SMYD3: variants seen among roughly 807,000 people sequenced by gnomAD.
The protein encoded by SMYD3 is SET and MYND domain containing 3, also known as histone-lysine N-methyltransferase SMYD3.
Under a neutral mutation model 57.7 loss-of-function variants are expected in SMYD3, and 36 were observed. That is an observed-to-expected ratio of 0.62 (90% CI 0.48 to 0.82). SMYD3 has a LOEUF of 0.82. Ranked by LOEUF, SMYD3 falls within the 40% of genes least tolerant of loss-of-function variation. The pLI, the probability that SMYD3 is intolerant of heterozygous loss-of-function variation, is 0.00. For missense variants in SMYD3, 515 were observed against 538.8 expected (o/e 0.96, Z 0.44); for synonymous variants, 211 against 195.0 (o/e 1.08, Z -0.68).
chr1:246,354,841 C>A (rs2065886514), intron 2 of SMYD3, among the ~76,000 whole-genome samples, 190 bp downstream of exon 2: 1 of 152,036 alleles, frequency 6.6e-6, no homozygotes, highest in Admixed American at 6.6e-5. Context: ...CAATTTTTAA[C>A]CATATATATT....
chr1:246,138,626 C>T (rs186835534), intron 5 of SMYD3, among the ~76,000 whole-genome samples: 4,884 of 145,612 alleles, frequency 0.034, 291 homozygotes, highest in African/African-American at 0.11. Flanking sequence ...GGGGTTTCAC[C>T]GTGTTAGCCA....
At chr1:246,255,704 A>G (rs2063871128) in intron 5 of SMYD3, among the ~76,000 whole-genome samples, 1 of 150,848 alleles carries the variant, frequency 6.6e-6, no homozygotes, top group African/African-American at 2.4e-5. Context: ...TAGTTTCAAA[A>G]TTGGTAGCAG....
intron 5 of SMYD3, among the ~76,000 whole-genome samples, chr1:246,216,211 C>A (rs536326596): frequency 6.7e-6 from 1 of 149,974 alleles, no homozygotes; most frequent in African/African-American, 2.5e-5. Context: ...CGCTTGAACC[C>A]GGGAGGCAGA....
In SMYD3 at chr1:245,889,074, T is replaced by C. The variant is rs75662746; in HGVS notation, c.814-25188A>G. On this transcript the variant is annotated intron_variant, in intron 8 of 11. Transcript: ENST00000490107. Reference sequence around the variant, plus strand: ...TATTGTGAAATTTAACCTCTTTCCATATCCCAACAGTGAGCTGTTAGTGGA... The same window carrying C: ...TATTGTGAAATTTAACCTCTTTCCACATCCCAACAGTGAGCTGTTAGTGGA... Among the ~76,000 whole-genome samples, 625 of 152,282 alleles carry C rather than the reference T, an allele frequency of 4.1e-3. 8 individuals carry two copies. The East Asian group carries it at 0.061, about 15-fold the overall frequency.
chr1:246,466,700 G>A (rs2067887010), intron 1 of SMYD3, among the ~76,000 whole-genome samples: 1 of 152,072 alleles, frequency 6.6e-6, no homozygotes, highest in Non-Finnish European at 1.5e-5. Flanking sequence ...AACTAAAAAT[G>A]AGCTGGGCAT....
intron 8 of SMYD3, among the ~76,000 whole-genome samples, chr1:245,893,158 A>C (rs1229478667): frequency 6.6e-6 from 1 of 152,266 alleles, no homozygotes; most frequent in Non-Finnish European, 1.5e-5. Flanking sequence ...ATGCAATGTT[A>C]CCACACTAAA....
At chr1:246,337,500 T>C (rs79439155) in intron 2 of SMYD3, among the ~76,000 whole-genome samples, 3,652 of 152,288 alleles carry the variant, frequency 0.024, 144 homozygotes, top group African/African-American at 0.083. Context: ...GGTTTTTTAC[T>C]GATAGAAGGG....
At chr1:246,258,862 G>A (rs2063945848) in intron 5 of SMYD3, among the ~76,000 whole-genome samples, 1 of 152,018 alleles carries the variant, frequency 6.6e-6, no homozygotes, top group Admixed American at 6.6e-5. Context: ...ATAATTTGTA[G>A]TTTTGGTCAC....
At chr1:246,314,840 A>G (rs2065131862) in intron 5 of SMYD3, among the ~76,000 whole-genome samples, 1 of 152,246 alleles carries the variant, frequency 6.6e-6, no homozygotes, top group Admixed American at 6.5e-5. Flanking sequence ...GAACGATACT[A>G]TTCTGTAACT....
intron 5 of SMYD3, among the ~76,000 whole-genome samples, chr1:245,971,390 C>A (rs996020313): frequency 2.0e-5 from 3 of 151,948 alleles, no homozygotes; most frequent in Non-Finnish European, 4.4e-5. Context: ...CACGTGTATA[C>A]CTATGTAACA....
chr1:246,504,551 A>T (rs2068507020), intron 1 of SMYD3, among the ~76,000 whole-genome samples: 1 of 152,260 alleles, frequency 6.6e-6, no homozygotes, highest in South Asian at 2.1e-4. Flanking sequence ...GCTGACCAAA[A>T]TGTCGTTATG....
chr1:246,393,476 T>C (rs1431129371), intron 1 of SMYD3, among the ~76,000 whole-genome samples: 2 of 151,924 alleles, frequency 1.3e-5, no homozygotes, highest in Non-Finnish European at 2.9e-5. Context: ...CATAAGCACT[T>C]TGTGTACTGA....
chr1:245,968,437 G>GT (rs2058210765), intron 5 of SMYD3, among the ~76,000 whole-genome samples: 1 of 152,080 alleles, frequency 6.6e-6, no homozygotes, highest in African/African-American at 2.4e-5. Flanking sequence ...CAAGGCCCAA[G>GT]TGCCTCCTAT....
chr1:245,966,735 C>T (rs2058159179), intron 5 of SMYD3, among the ~76,000 whole-genome samples: 1 of 152,172 alleles, frequency 6.6e-6, no homozygotes, highest in Non-Finnish European at 1.5e-5. Flanking sequence ...CCCCCAACCT[C>T]TGCTGTGCCT....
At chr1:246,119,457 G>C (rs1397743506) in intron 5 of SMYD3, among the ~76,000 whole-genome samples, 1 of 147,300 alleles carries the variant, frequency 6.8e-6, no homozygotes, top group Non-Finnish European at 1.5e-5. Context: ...TTACTGACCA[G>C]GCTGGAGTGT....
In SMYD3 at chr1:246,457,544, A is replaced by AAAAAG. The variant is rs1553351025; in HGVS notation, c.164+49505_164+49509dup. 9.5e-3 allele frequency among the ~76,000 whole-genome samples: 830 copies of AAAAAG among 87,050 alleles called. 20 individuals are homozygous for AAAAAG. The highest frequency in any genetic ancestry group is 0.014 in the Middle Eastern group (2 of 146). The allele number at this position is 87,050 out of a possible 152,430, so 57.1% of individuals were successfully genotyped here. A position where few individuals can be genotyped will look rare whatever the true frequency, so the allele number is the denominator to read the frequency against. On this transcript the variant is annotated intron_variant, in intron 1 of 11. Transcript: ENST00000490107. ...CGAGACTCTGCCTCAAAAAAAAAAA[A>AAAAAG]AAAAGAAAAGAAAAGAAAAGAAAAG...
chr1:245,921,549 GTATATATA>G (rs143521072), intron 7 of SMYD3, among the ~76,000 whole-genome samples: 38 of 140,856 alleles, frequency 2.7e-4, no homozygotes, highest in Non-Finnish European at 2.0e-4. Flanking sequence ...AAAATGTGGT[GTATATATA>G]TATATATATA....
chr1:246,146,258 T>C (rs2061840666), intron 5 of SMYD3, among the ~76,000 whole-genome samples: 1 of 152,192 alleles, frequency 6.6e-6, no homozygotes, highest in African/African-American at 2.4e-5. Flanking sequence ...ATCCAGGTAC[T>C]AAAACAGCTT....
intron 5 of SMYD3, among the ~76,000 whole-genome samples, chr1:246,162,442 C>T (rs1193561967): frequency 2.6e-5 from 4 of 152,130 alleles, no homozygotes; most frequent in South Asian, 4.1e-4. Flanking sequence ...TCTACTGCCA[C>T]GTAAGGCATA....
Sources: allele counts gnomAD v4.1 joint callset (sites outside exome capture counted in the v4.1 genomes callset), GRCh38; gene constraint gnomAD v4.1.1; transcripts MANE v1.5; gene names NCBI Gene and HGNC (gene_info 2026-07-23, HGNC 2026-07-21).